PKD1L1: variants seen among roughly 807,000 people sequenced by gnomAD.
PKD1L1 encodes the protein polycystin 1 like 1, transient receptor potential channel interacting.
In PKD1L1, 236 loss-of-function variants were observed where a neutral mutation model predicts 323.4. The ratio of observed to expected loss-of-function variants is 0.73; its 90% CI spans 0.66 to 0.81. PKD1L1 has a LOEUF of 0.81. Among genes scored for constraint, PKD1L1 ranks in the 40% least tolerant of loss-of-function variants. The probability of loss-of-function intolerance (pLI) is 0.00; values close to 1 mark genes in which losing one functional copy is unlikely to be tolerated. For missense variants in PKD1L1, 3,320 were observed against 3,508.0 expected (o/e 0.95, Z 1.35); for synonymous variants, 1,344 against 1,335.0 (o/e 1.01, Z -0.15).
At chr7:47,890,865 G>C in intron 15 of PKD1L1, 102 bp from the exon 16 acceptor site, 1 of 973,576 alleles carries the variant, frequency 1.0e-6, no homozygotes, top group Non-Finnish European at 1.6e-6. Context: ...GGGACCACAG[G>C]GGACACGTGC....
At chr7:47,842,877 G>A (rs552344565) in intron 34 of PKD1L1, 85 bp downstream of exon 34, 17 of 1,288,470 alleles carry the variant, frequency 1.3e-5, no homozygotes, top group Middle Eastern at 2.8e-4. Flanking sequence ...GGTGACAGAC[G>A]GGGCAGCCAA....
chr7:47,892,911 A>C (rs1034241794), intron 15 of PKD1L1, among the ~76,000 whole-genome samples: 1 of 152,080 alleles, frequency 6.6e-6, no homozygotes, highest in African/African-American at 2.4e-5. Context: ...AGGAAGAAAA[A>C]GAAAAAGTAA....
At chr7:47,887,144 C>G (rs375617214) in intron 17 of PKD1L1, among the ~76,000 whole-genome samples, 1 of 152,178 alleles carries the variant, frequency 6.6e-6, no homozygotes, top group African/African-American at 2.4e-5. Flanking sequence ...CCTCTCTTGC[C>G]AAGAAGGGCA....
chr7:47,871,797 G>C (rs1389544740), intron 24 of PKD1L1, among the ~76,000 whole-genome samples: 3 of 152,164 alleles, frequency 2.0e-5, no homozygotes. Context: ...GGTTGTCTGT[G>C]AACGACCTCT....
At chr7:47,864,633 T>TTTCTTTCTTTCTTTCTTTCCTTCC (rs1554404342) in intron 26 of PKD1L1, among the ~76,000 whole-genome samples, 1 of 114,774 alleles carries the variant, frequency 8.7e-6, no homozygotes, top group African/African-American at 3.5e-5. Context: ...TCTTTCTTTC[T>TTTCTTTCTTTCTTTCTTTCCTTCC]TTCCTTCCTT....
intron 7 of PKD1L1, among the ~76,000 whole-genome samples, chr7:47,921,397 T>C (rs1374320985): frequency 2.0e-5 from 3 of 152,114 alleles, no homozygotes; most frequent in Admixed American, 1.3e-4. Flanking sequence ...ATAGTAGATG[T>C]TGGTGTGGAT....
chr7:47,855,149 C>A lies in PKD1L1; in HGVS notation c.4701+6G>T. 6.2e-7 allele frequency: 1 copy of A among 1,613,694 alleles called. No individual in the cohort carries two copies. Among genetic ancestry groups the A allele is most frequent in the South Asian group, 1.1e-5 (1 of 91,038 alleles). The stretch of plus-strand genomic sequence containing the variant: ...AAGTAGAGATACTGAGAAAGGCTCT[C>A]CTTACCAGGCCATCCTCCTCCCCAA... On this transcript the variant is annotated splice_donor_region_variant and intron_variant, in intron 29 of 56. Transcript: ENST00000289672.
chr7:47,880,278 A>ATTTTTTTT (rs1562970489), intron 21 of PKD1L1, among the ~76,000 whole-genome samples: 1 of 73,632 alleles, frequency 1.4e-5, no homozygotes, highest in African/African-American at 7.2e-5. Context: ...ATATATATAT[A>ATTTTTTTT]TATATATTTT....
At position 47,835,133 on chromosome 7, in the gene PKD1L1, C is replaced by G. The variant is rs747995118; in HGVS notation, c.6054G>C (p.Lys2018Asn). The change falls in exon 38 of 57, where the codon AAG becomes AAC. Residue 2018 changes from lysine (K) to asparagine (N), a missense_variant and splice_region_variant. By Grantham distance (94) the Lys-to-Asn change is moderately conservative (BLOSUM62 0). Coordinates refer to ENST00000289672, the MANE Select transcript of PKD1L1 (RefSeq NM_138295.5). Reference sequence around the variant, plus strand: ...GGCCATGAGGACAAGTCGCAGGTACCTTGCTGAGCCTGAAGAGCAGGGACA... The same window carrying G: ...GGCCATGAGGACAAGTCGCAGGTACGTTGCTGAGCCTGAAGAGCAGGGACA... ...QLLSLLFRLS[K>N]EAPGSARVEP... 2 of 1,599,406 alleles carry G rather than the reference C, an allele frequency of 1.3e-6. No individual in the cohort carries two copies. The highest frequency in any genetic ancestry group is 1.1e-5 in the South Asian group (1 of 89,730).
chr7:47,929,129 C>T, intron 7 of PKD1L1, 75 bp downstream of exon 7: 3 of 1,446,660 alleles, frequency 2.1e-6, no homozygotes, highest in Non-Finnish European at 2.8e-6. Flanking sequence ...CTTTTCTTTT[C>T]CCAACACTGC....
chr7:47,822,613 A>AAC (rs1562947141), intron 45 of PKD1L1, among the ~76,000 whole-genome samples: 2 of 151,280 alleles, frequency 1.3e-5, no homozygotes, highest in African/African-American at 4.9e-5. Flanking sequence ...AAAAAAAAAA[A>AAC]AAAAAACAGC....
intron 28 of PKD1L1, among the ~76,000 whole-genome samples, chr7:47,857,344 T>C (rs906432623): frequency 1.3e-5 from 2 of 152,152 alleles, no homozygotes; most frequent in African/African-American, 4.8e-5. Context: ...TTAGAAGGCC[T>C]CAAGGAAACA....
chr7:47,866,436 A>T lies in PKD1L1; in HGVS notation c.4075T>A (p.Leu1359Met). 1 of 1,613,538 alleles carries T rather than the reference A, an allele frequency of 6.2e-7. No homozygotes were observed. Among genetic ancestry groups the T allele is most frequent in the Non-Finnish European group, 8.5e-7 (1 of 1,179,828 alleles). The change falls in exon 25 of 57, where the codon TTG (leucine) becomes ATG (methionine). Residue 1359 changes from leucine (L) to methionine (M), a missense_variant. Coordinates refer to ENST00000289672, the MANE Select transcript of PKD1L1 (RefSeq NM_138295.5). ...QDALISSVCRLAFVDQEEMIG... is the reference protein window; with the variant it reads ...QDALISSVCRMAFVDQEEMIG... ...AGCCATACCTGATCTACAAAAGCCAATCTGCATACTGAAGAAATTAATGCA... is the reference window on the plus strand; with the variant it reads ...AGCCATACCTGATCTACAAAAGCCATTCTGCATACTGAAGAAATTAATGCA...
intron 55 of PKD1L1, among the ~76,000 whole-genome samples, chr7:47,793,348 G>A (rs746736883): frequency 3.3e-5 from 5 of 152,116 alleles, no homozygotes; most frequent in Non-Finnish European, 7.3e-5. Context: ...TTCCTGTGTT[G>A]TGGGAGGGAC....
chr7:47,867,919 A>G (rs1786201431), intron 24 of PKD1L1, among the ~76,000 whole-genome samples: 1 of 152,234 alleles, frequency 6.6e-6, no homozygotes. Flanking sequence ...CAGGAAGAAA[A>G]AAGTAGGAAG....
intron 33 of PKD1L1, 103 bp downstream of exon 33, chr7:47,844,892 G>A: frequency 1.2e-6 from 1 of 829,440 alleles, no homozygotes; most frequent in African/African-American, 1.7e-5. Flanking sequence ...ATGATAGTAA[G>A]TAACATGGAT....
intron 56 of PKD1L1, among the ~76,000 whole-genome samples, chr7:47,786,098 T>C (rs1003572401): frequency 6.6e-6 from 1 of 152,152 alleles, no homozygotes; most frequent in East Asian, 1.9e-4. Flanking sequence ...GATTCAAACT[T>C]AGTGTTCAGA....
chr7:47,943,161 AAAATATATAT>A (rs1216066058), intron 2 of PKD1L1, among the ~76,000 whole-genome samples: 3,152 of 84,094 alleles, frequency 0.037, 33 homozygotes, highest in Non-Finnish European at 0.053. Context: ...AAAAAAAAAA[AAAATATATAT>A]ATATATATAT....
At chr7:47,942,021 C>T (rs1787998723) in intron 2 of PKD1L1, among the ~76,000 whole-genome samples, 1 of 152,110 alleles carries the variant, frequency 6.6e-6, no homozygotes, top group Non-Finnish European at 1.5e-5. Context: ...AAACCTGAAA[C>T]TTAACATCCA....
Sources: allele counts gnomAD v4.1 joint callset (sites outside exome capture counted in the v4.1 genomes callset), GRCh38; gene constraint gnomAD v4.1.1; transcripts MANE v1.5; gene names NCBI Gene and HGNC (gene_info 2026-07-23, HGNC 2026-07-21).